The following EPHB2 variants were observed in gnomAD, a reference collection of about 807,000 sequenced individuals.
EPHB2 encodes ephrin type-B receptor 2.
In EPHB2, 18 loss-of-function variants were observed where a neutral mutation model predicts 96.4. The ratio of observed to expected loss-of-function variants is 0.19; its 90% CI spans 0.13 to 0.28. The LOEUF (loss-of-function observed/expected upper bound fraction) is 0.28. Among genes scored for constraint, EPHB2 ranks in the 10% least tolerant of loss-of-function variants. EPHB2 has a pLI of 1.00. For synonymous variants in EPHB2, 506 were observed against 534.1 expected (o/e 0.95, Z 0.72); for missense variants, 989 against 1,355.4 (o/e 0.73, Z 4.25).
intron 6 of EPHB2, among the ~76,000 whole-genome samples, chr1:22,890,204 G>A (rs1311567360): frequency 2.0e-5 from 3 of 152,176 alleles, no homozygotes; most frequent in African/African-American, 2.4e-5. Flanking sequence ...TTAAGGGGGC[G>A]AGAGGAGCCT....
chr1:22,833,869 C>T (rs1645342708), intron 3 of EPHB2, among the ~76,000 whole-genome samples: 1 of 151,916 alleles, frequency 6.6e-6, no homozygotes, highest in African/African-American at 2.4e-5. Context: ...TAATGAGGCA[C>T]AAAGGGTAAA....
At chr1:22,803,136 G>T (rs1048495117) in intron 3 of EPHB2, among the ~76,000 whole-genome samples, 1 of 152,124 alleles carries the variant, frequency 6.6e-6, no homozygotes, top group Non-Finnish European at 1.5e-5. Flanking sequence ...TGAGAGGCAG[G>T]GTAGTTGTGG....
At chr1:22,801,834 C>T (rs1384196829) in intron 3 of EPHB2, among the ~76,000 whole-genome samples, 1 of 152,210 alleles carries the variant, frequency 6.6e-6, no homozygotes, top group African/African-American at 2.4e-5. Flanking sequence ...CTCTTTATCT[C>T]CCAGACGCCC....
chr1:22,839,603 G>A (rs1332799473), intron 3 of EPHB2, among the ~76,000 whole-genome samples: 74 of 152,198 alleles, frequency 4.9e-4, no homozygotes, highest in Non-Finnish European at 1.0e-4. Flanking sequence ...TGGTGGTTAA[G>A]GAAGGCTTCC....
intron 3 of EPHB2, among the ~76,000 whole-genome samples, chr1:22,843,969 G>A (rs1443989965): frequency 1.3e-5 from 2 of 152,210 alleles, no homozygotes; most frequent in Admixed American, 6.5e-5. Context: ...CTCCATCCAC[G>A]CTGTTGCAAA....
At chr1:22,761,444 A>G (rs970645309) in intron 1 of EPHB2, among the ~76,000 whole-genome samples, 4 of 152,212 alleles carry the variant, frequency 2.6e-5, no homozygotes, top group Admixed American at 1.3e-4. Context: ...AAAAAAATAA[A>G]TAACAGAGCA....
At chr1:22,763,871 G>A (rs1325532776) in intron 1 of EPHB2, among the ~76,000 whole-genome samples, 1 of 152,130 alleles carries the variant, frequency 6.6e-6, no homozygotes, top group Non-Finnish European at 1.5e-5. Flanking sequence ...GACTTCTAGA[G>A]GCTACCTGCA....
chr1:22,881,870 G>C (rs1287511197), intron 5 of EPHB2, among the ~76,000 whole-genome samples: 1 of 152,184 alleles, frequency 6.6e-6, no homozygotes, highest in East Asian at 1.9e-4. Context: ...TGGGATTACA[G>C]ATGTGAGCCG....
At chr1:22,799,205 A>C (rs1208030957) in intron 3 of EPHB2, among the ~76,000 whole-genome samples, 2 of 152,150 alleles carry the variant, frequency 1.3e-5, no homozygotes, top group Non-Finnish European at 2.9e-5. Flanking sequence ...TGTGCCTAAC[A>C]GTCCCTGATT....
intron 2 of EPHB2, among the ~76,000 whole-genome samples, chr1:22,783,726 G>T (rs1266554568): frequency 6.6e-6 from 1 of 152,194 alleles, no homozygotes; most frequent in Non-Finnish European, 1.5e-5. Context: ...GCATCTCTCT[G>T]CTGGGTTTGT....
chr1:22,838,947 CAAAAAAAG>C (rs144562223), intron 3 of EPHB2, among the ~76,000 whole-genome samples: 29,246 of 148,908 alleles, frequency 0.2, 3,081 homozygotes, highest in South Asian at 0.39. Flanking sequence ...AAAAACAAAA[CAAAAAAAG>C]AAAAAAAGAA....
At position 22,913,169 on chromosome 1, in the gene EPHB2, G is replaced by A. The variant is rs1382119604; in HGVS notation, c.2853-293G>A. 4.3e-6 allele frequency: 2 copies of A among 468,082 alleles called. No individual in the cohort carries two copies. Among genetic ancestry groups the A allele is most frequent in the Non-Finnish European group, 7.9e-6 (2 of 253,194 alleles). 29.0% of individuals were successfully genotyped at this position (468,082 alleles called of 1,614,324 possible). On this transcript the variant is annotated intron_variant, in intron 15 of 15. Transcript: ENST00000374630. This position sits in a 1 kb window ranked among gnomAD's most constrained non-coding sequence, Gnocchi z 4.1. The stretch of plus-strand genomic sequence containing the variant: ...GATCACGCCACTGCACACCAGCCTG[G>A]GTGACAGAGCGAGACTCTGTCTCGA...
chr1:22,912,350 G>C lies in EPHB2; in HGVS notation c.2697-94G>C, dbSNP rs922533952. ...TGTTCACATAAATGGATGCACACGT[G>C]CACATTCACGCATACGCAGCCTACA... On this transcript the variant is annotated intron_variant, in intron 14 of 15. Transcript: ENST00000374630. 5.2e-6 allele frequency: 8 copies of C among 1,547,312 alleles called. No individual in the cohort carries two copies. In the African/African-American group the frequency reaches 9.5e-5, roughly 18 times the overall value.
At chr1:22,804,923 T>C (rs1430276598) in intron 3 of EPHB2, among the ~76,000 whole-genome samples, 1 of 151,846 alleles carries the variant, frequency 6.6e-6, no homozygotes, top group Non-Finnish European at 1.5e-5. Flanking sequence ...CATTTCCTTC[T>C]CTAAGGGGAC....
intron 1 of EPHB2, among the ~76,000 whole-genome samples, chr1:22,756,536 G>A (rs888056642): frequency 5.3e-5 from 8 of 152,150 alleles, no homozygotes; most frequent in African/African-American, 1.9e-4. Flanking sequence ...TCCCGTCTGG[G>A]TTGAGCAGGC....
chr1:22,891,777 C>A (rs1219134599), intron 6 of EPHB2, among the ~76,000 whole-genome samples: 1 of 136,040 alleles, frequency 7.4e-6, no homozygotes, highest in Non-Finnish European at 1.6e-5. Context: ...ATGCAAGAGT[C>A]TGGTTTCTTT....
In EPHB2 at chr1:22,910,494, A is replaced by G. The variant is rs1040639398; in HGVS notation, c.2615A>G (p.Lys872Arg). ...CAGAAGGACCGCAACCACCGGCCCA[A>G]GTTCGGCCAAATTGTCAACACGCTA... ...CWQKDRNHRP[K>R]FGQIVNTLDK... is the part of the protein sequence containing the mutation. Residue 872 changes from lysine (K) to arginine (R), a missense_variant, in exon 14 of 16, where the codon AAG (lysine) becomes AGG (arginine). Lys to Arg is a conservative substitution (Grantham distance 26, BLOSUM62 2). Transcript: ENST00000374630. 3 of 1,613,460 alleles carry G rather than the reference A, an allele frequency of 1.9e-6. No individual in the cohort carries two copies. Among genetic ancestry groups the G allele is most frequent in the Non-Finnish European group, 2.5e-6 (3 of 1,180,028 alleles).
intron 3 of EPHB2, among the ~76,000 whole-genome samples, chr1:22,812,213 C>T (rs915107046): frequency 4.6e-5 from 7 of 152,158 alleles, no homozygotes; most frequent in Admixed American, 3.3e-4. Flanking sequence ...AGTCATACCC[C>T]ACTTGTCCTG....
chr1:22,734,138 C>T (rs1643774092), intron 1 of EPHB2, among the ~76,000 whole-genome samples: 1 of 152,194 alleles, frequency 6.6e-6, no homozygotes. Flanking sequence ...CTCTATCAGG[C>T]CTCACTGTGA....
Sources: gnomAD v4.1 joint callset for allele counts (sites outside exome capture counted in the v4.1 genomes callset) on GRCh38, gnomAD v4.1.1 for gene constraint, Gnocchi (gnomAD v3.1) non-coding constraint, MANE v1.5 for transcripts, NCBI Gene and HGNC (gene_info 2026-07-23, HGNC 2026-07-21) for gene names.